Variants in PRDM13 observed in about 807,000 individuals in gnomAD.
PRDM13 encodes the protein PR domain zinc finger protein 13.
Under a neutral mutation model 36.4 loss-of-function variants are expected in PRDM13, and 15 were observed. The observed-to-expected ratio is 0.41, with a 90% CI of 0.28 to 0.64. PRDM13 has a LOEUF of 0.64. Ranked by LOEUF, PRDM13 falls within the 30% of genes least tolerant of loss-of-function variation. PRDM13 has a pLI of 0.29. For synonymous variants in PRDM13, 531 were observed against 467.7 expected (o/e 1.14, Z -1.75); for missense variants, 1,044 against 1,013.5 (o/e 1.03, Z -0.41).
In PRDM13 at chr6:99,610,089, G is replaced by T. The variant is rs1052138472; in HGVS notation, c.397+782G>T. Among the ~76,000 whole-genome samples, 4 of 152,082 alleles carry T rather than the reference G, an allele frequency of 2.6e-5. No homozygotes were observed. In the East Asian group the frequency reaches 5.8e-4, roughly 22 times the overall value. Reference sequence around the variant, plus strand: ...TACGGTACTTACAGCTGGTCAGTTGGCAGGTACTGAGACCCTTCCATTTAA... The same window carrying T: ...TACGGTACTTACAGCTGGTCAGTTGTCAGGTACTGAGACCCTTCCATTTAA... On this transcript the variant is annotated intron_variant, in intron 3 of 3. Coordinates refer to ENST00000369215, the MANE Select transcript of PRDM13 (RefSeq NM_021620.4).
rs374466098 is a variant in PRDM13, at chr6:99,613,967, C to G, written c.1332C>G (p.Leu444=). The change falls in exon 4 of 4, where the codon CTC becomes CTG. Residue 444 remains leucine, a synonymous_variant. Transcript: ENST00000369215. The surrounding 1 kb of genome is among the most constrained non-coding windows in gnomAD (Gnocchi z 6.1). ...TGCCGCCCCTCGACCCGGGCGGTCT[C>G]AAAGCCTATCCGGGTGGTGAGTGCA... ...CALPPLDPGG[L]KAYPGGECSH... 1.2e-3 allele frequency: 1,891 copies of G among 1,602,026 alleles called. 37 individuals carry two copies. The South Asian group carries it at 0.019, about 16-fold the overall frequency.
At chr6:99,609,906 A>AAT (rs1562507990) in intron 3 of PRDM13, among the ~76,000 whole-genome samples, 2 of 151,294 alleles carry the variant, frequency 1.3e-5, no homozygotes, top group African/African-American at 4.9e-5. Flanking sequence ...ATAAAAATAA[A>AAT]AAATAAAAAA....
intron 1 of PRDM13, among the ~76,000 whole-genome samples, chr6:99,607,717 T>G (rs186425831): frequency 6.6e-6 from 1 of 152,174 alleles, no homozygotes; most frequent in Non-Finnish European, 1.5e-5. Flanking sequence ...GATGTCGGCT[T>G]GTGGGTATGC....
intron 1 of PRDM13, among the ~76,000 whole-genome samples, chr6:99,607,809 G>A (rs901006016): frequency 5.3e-5 from 8 of 152,208 alleles, no homozygotes; most frequent in African/African-American, 1.7e-4. Context: ...GCGGGGCACA[G>A]GGTCAGAGCG....
chr6:99,610,210 C>T (rs749623507), intron 3 of PRDM13, among the ~76,000 whole-genome samples: 8 of 152,126 alleles, frequency 5.3e-5, no homozygotes, highest in Middle Eastern at 3.2e-3. Context: ...AAGCCAAGAG[C>T]GGATTTATGC....
intron 3 of PRDM13, 36 bp downstream of exon 3, chr6:99,609,343 A>G (rs756108186): frequency 6.2e-6 from 10 of 1,608,406 alleles, no homozygotes; most frequent in Non-Finnish European, 8.5e-6. Context: ...GCAAAAGTCC[A>G]GCCCTCCTCC....
rs200290740 is a variant in PRDM13 at position 99,607,139 on chromosome 6, G to A, written c.105G>A (p.Lys35=). 4.3e-5 allele frequency: 69 copies of A among 1,613,852 alleles called. No homozygotes were observed. The highest frequency in any genetic ancestry group is 5.6e-5 in the Non-Finnish European group (66 of 1,180,034). ...GPVPGTFKLG[K]YLSDRREPGP... Reference sequence around the variant, plus strand: ...TGCCTGGTACCTTCAAGCTGGGCAAGTACCTGTCAGACCGCAGGGAGCCCG... The same window carrying A: ...TGCCTGGTACCTTCAAGCTGGGCAAATACCTGTCAGACCGCAGGGAGCCCG... Residue 35 remains lysine (K), a synonymous_variant, in exon 1 of 4, where the codon AAG becomes AAA. Transcript: ENST00000369215.
In PRDM13 at chr6:99,615,165, C is replaced by T; in HGVS notation, c.*406C>T. ...GTACTTTTCTGTGGAGGAAATTGTG[C>T]CTTTTGAAACGACGTTTTGTGTGTG... On this transcript the variant is annotated 3_prime_UTR_variant, in exon 4 of 4. Transcript: ENST00000369215. The T allele has an allele frequency of 4.7e-6, 1 of 211,250 alleles. No homozygotes were observed. The highest frequency in any genetic ancestry group is 9.4e-6 in the Non-Finnish European group (1 of 106,058). 13.1% of individuals were successfully genotyped at this position (211,250 alleles called of 1,614,324 possible). A position where few individuals can be genotyped will look rare whatever the true frequency, so the allele number is the denominator to read the frequency against.
rs1231623354 is a variant in PRDM13 at position 99,613,334 on chromosome 6, C to T, written c.699C>T (p.Ser233=). 3 of 1,552,378 alleles carry T rather than the reference C, an allele frequency of 1.9e-6. No individual in the cohort carries two copies. The highest frequency in any genetic ancestry group is 2.6e-6 in the Non-Finnish European group (3 of 1,153,826). ...AGGGCATCAAGCGCGAGGCCTCTTCCGCGCCCTCGGCCACCTCGCCGACCC... is the reference window on the plus strand; with the variant it reads ...AGGGCATCAAGCGCGAGGCCTCTTCTGCGCCCTCGGCCACCTCGCCGACCC... ...AREGIKREAS[S]APSATSPTPG... Residue 233 remains serine, a synonymous_variant, in exon 4 of 4, where the codon TCC becomes TCT. Coordinates refer to ENST00000369215, the MANE Select transcript of PRDM13 (RefSeq NM_021620.4). The surrounding 1 kb of genome is among the most constrained non-coding windows in gnomAD (Gnocchi z 6.1).
chr6:99,607,335 C>A lies in PRDM13; in HGVS notation c.144+157C>A, dbSNP rs189045050. The A allele has an allele frequency of 4.4e-6, 5 of 1,132,410 alleles. No homozygotes were observed. The African/African-American group carries it at 8.0e-5, about 18-fold the overall frequency. 70.1% of individuals were successfully genotyped at this position (1,132,410 alleles called of 1,614,324 possible). A position where few individuals can be genotyped will look rare whatever the true frequency, so the allele number is the denominator to read the frequency against. On this transcript the variant is annotated intron_variant, in intron 1 of 3. Transcript: ENST00000369215. The stretch of plus-strand genomic sequence containing the variant: ...ACTCCTATTATTCTGAGCAAGTAGC[C>A]TCTTTAACTGTGAGAGCTGGACGGG...
At position 99,613,544 on chromosome 6, in the gene PRDM13, G is replaced by C. The variant is rs765834450; in HGVS notation, c.909G>C (p.Ala303=). ...TCAAGCCCGCCGGCCTAGCGAGGGC[G>C]GCGGCGGCCGCTCACGGCGACCCCT... The part of the protein sequence containing the change: ...SAFKPAGLAR[A]AAAAHGDPYR... The change falls in exon 4 of 4, where the codon GCG becomes GCC. Residue 303 remains alanine, a synonymous_variant. Transcript: ENST00000369215. The surrounding 1 kb of genome is among the most constrained non-coding windows in gnomAD (Gnocchi z 6.1). 8 of 1,496,958 alleles carry C rather than the reference G, an allele frequency of 5.3e-6. No individual in the cohort carries two copies. In the African/African-American group the frequency reaches 7.3e-5, roughly 14 times the overall value. The allele number at this position is 1,496,958 out of a possible 1,614,324, so 92.7% of individuals were successfully genotyped here. A position where few individuals can be genotyped will look rare whatever the true frequency, so the allele number is the denominator to read the frequency against.
chr6:99,609,087 C>T (rs1769994995), intron 2 of PRDM13, 100 bp from the exon 3 acceptor site: 1 of 1,467,608 alleles, frequency 6.8e-7, no homozygotes, highest in Non-Finnish European at 9.2e-7. Context: ...TCTCCAGGGT[C>T]ACACAGCATC....
chr6:99,613,528 C>A lies in PRDM13; in HGVS notation c.893C>A (p.Ala298Asp). The part of the protein sequence containing the change: ...YPGVRSAFKP[A>D]GLARAAAAAH... Reference sequence around the variant, plus strand: ...GGCGTGCGCTCAGCTTTCAAGCCCGCCGGCCTAGCGAGGGCGGCGGCGGCC... The same window carrying A: ...GGCGTGCGCTCAGCTTTCAAGCCCGACGGCCTAGCGAGGGCGGCGGCGGCC... Residue 298 changes from alanine (A) to aspartate (D), a missense_variant, in exon 4 of 4, where the codon GCC (alanine) becomes GAC (aspartate). Around this residue, in one of 3 missense-constraint regions of PRDM13, gnomAD observed 921 missense variants for 865.2 expected, o/e 1.06. Coordinates refer to ENST00000369215, the MANE Select transcript of PRDM13 (RefSeq NM_021620.4). This position sits in a 1 kb window ranked among gnomAD's most constrained non-coding sequence, Gnocchi z 6.1. 1 of 1,501,460 alleles carries A rather than the reference C, an allele frequency of 6.7e-7. No individual in the cohort carries two copies. Among genetic ancestry groups the A allele is most frequent in the Non-Finnish European group, 8.8e-7 (1 of 1,135,596 alleles). 93.0% of individuals were successfully genotyped at this position (1,501,460 alleles called of 1,614,324 possible).
chr6:99,607,022 G>A lies in PRDM13; in HGVS notation c.-13G>A, dbSNP rs773877765. The A allele has an allele frequency of 5.0e-6, 8 of 1,603,338 alleles. No individual in the cohort carries two copies. Among genetic ancestry groups the A allele is most frequent in the Middle Eastern group, 1.7e-4 (1 of 5,896 alleles). The stretch of plus-strand genomic sequence containing the variant: ...TGGAGCACCCGAGCGCCTGCCTGGT[G>A]GCGGCGGCAACAATGCACGGAGCCG... On this transcript the variant is annotated 5_prime_UTR_variant, in exon 1 of 4. An upstream open reading frame in the 5' UTR gains an earlier in-frame stop. Coordinates refer to ENST00000369215, the MANE Select transcript of PRDM13 (RefSeq NM_021620.4).
Position 99,614,898 on chromosome 6 carries a change from A to C in PRDM13, c.*139A>C. The C allele has an allele frequency of 8.9e-7, 1 of 1,128,336 alleles. No homozygotes were observed. Among genetic ancestry groups the C allele is most frequent in the Non-Finnish European group, 1.2e-6 (1 of 819,338 alleles). The allele number at this position is 1,128,336 out of a possible 1,614,324, so 69.9% of individuals were successfully genotyped here. Reference sequence around the variant, plus strand: ...GTTTTTGAGAGGGCGCCAGATTTGAAACAGTGAGAGGTCCCACATCTGGTG... The same window carrying C: ...GTTTTTGAGAGGGCGCCAGATTTGACACAGTGAGAGGTCCCACATCTGGTG... On this transcript the variant is annotated 3_prime_UTR_variant, in exon 4 of 4. Coordinates refer to ENST00000369215, the MANE Select transcript of PRDM13 (RefSeq NM_021620.4).
intron 3 of PRDM13, among the ~76,000 whole-genome samples, chr6:99,612,376 C>A (rs1770043460): frequency 6.6e-6 from 1 of 152,028 alleles, no homozygotes; most frequent in Admixed American, 6.6e-5. Context: ...AATAAAGATA[C>A]AAATAATTTT....
chr6:99,612,998 C>A, intron 3 of PRDM13, 35 bp from the exon 4 acceptor site: 2 of 1,610,350 alleles, frequency 1.2e-6, no homozygotes, highest in Non-Finnish European at 8.5e-7. Flanking sequence ...TTGTTCGCCT[C>A]TCACCGGGTC....
chr6:99,611,588 T>C (rs1468906834), intron 3 of PRDM13, among the ~76,000 whole-genome samples: 1 of 152,206 alleles, frequency 6.6e-6, no homozygotes. Context: ...TCAGTTGGAA[T>C]GCAGTGCTTA....
Position 99,613,337 on chromosome 6 carries a change from G to T in PRDM13, c.702G>T (p.Ala234=). 6.4e-7 allele frequency: 1 copy of T among 1,551,304 alleles called. No homozygotes were observed. ...GCATCAAGCGCGAGGCCTCTTCCGC[G>T]CCCTCGGCCACCTCGCCGACCCCAG... ...REGIKREASS[A]PSATSPTPGK... Residue 234 remains alanine, a synonymous_variant, in exon 4 of 4, where the codon GCG becomes GCT. Transcript: ENST00000369215. This position sits in a 1 kb window ranked among gnomAD's most constrained non-coding sequence, Gnocchi z 6.1.
Sources: gnomAD v4.1 joint callset for allele counts (sites outside exome capture counted in the v4.1 genomes callset) on GRCh38, gnomAD v4.1.1 for gene constraint, gnomAD v4.1.1 regional missense constraint, Gnocchi (gnomAD v3.1) non-coding constraint, MANE v1.5 for transcripts, NCBI Gene and HGNC (gene_info 2026-07-23, HGNC 2026-07-21) for gene names.